CTTNBP2: variants seen among roughly 807,000 people sequenced by gnomAD.
CTTNBP2 encodes the protein cortactin-binding protein 2.
CTTNBP2 carries 108 observed loss-of-function variants against 156.9 expected under a neutral mutation model. The ratio of observed to expected loss-of-function variants is 0.69; its 90% confidence interval spans 0.59 to 0.81. The LOEUF (loss-of-function observed/expected upper bound fraction) is 0.81, where lower values mean the gene tolerates loss of function less well. Among genes scored for constraint, CTTNBP2 ranks in the 30% least tolerant of loss-of-function variants. CTTNBP2 has a pLI of 0.00. For synonymous variants in CTTNBP2, 767 were observed against 751.8 expected, an observed-to-expected ratio of 1.02 and a Z score of -0.33; for missense variants, 1,924 against 2,035.4, an observed-to-expected ratio of 0.95 and a Z score of 1.05.
intron 1 of CTTNBP2, among the ~76,000 whole-genome samples, chr7:117,864,384 T>C (rs1803968294): frequency 6.6e-6 from 1 of 151,956 alleles, no homozygotes; most frequent in South Asian, 2.1e-4. Flanking sequence ...CCACTACTAG[T>C]CATAGTAAAA....
intron 19 of CTTNBP2, among the ~76,000 whole-genome samples, chr7:117,722,005 T>C (rs531478204): frequency 3.9e-5 from 6 of 152,314 alleles, no homozygotes; most frequent in South Asian, 2.1e-4. Context: ...AGTAAATATA[T>C]CCTCATTAAA....
intron 12 of CTTNBP2, among the ~76,000 whole-genome samples, chr7:117,754,836 G>A (rs1028305470): frequency 7.2e-5 from 11 of 152,204 alleles, no homozygotes; most frequent in African/African-American, 2.4e-5. Flanking sequence ...ACATATATAA[G>A]TGTACTTGGA....
At position 117,745,889 on chromosome 7, in the gene CTTNBP2, TCTCA is replaced by T. The variant is rs1401099607; in HGVS notation, c.3473_3476del (p.Val1158GlufsTer4). 1.1e-5 allele frequency: 18 copies of T among 1,614,038 alleles called. No individual in the cohort carries two copies. The highest frequency in any genetic ancestry group is 1.5e-5 in the Non-Finnish European group (18 of 1,180,012). The stretch of plus-strand genomic sequence containing the variant: ...TGGAAAAACCAGCATCTACTTCAGC[TCTCA>T]CTATTTCACAGGAGAATCCTGCAGC... On this transcript the variant is annotated frameshift_variant, in exon 14 of 23. Transcript: ENST00000160373. LOFTEE classifies it high-confidence loss of function.
intron 2 of CTTNBP2, among the ~76,000 whole-genome samples, chr7:117,854,311 A>G (rs1023331124): frequency 6.6e-6 from 1 of 152,232 alleles, no homozygotes; most frequent in Non-Finnish European, 1.5e-5. Flanking sequence ...TCACAGGAGA[A>G]TTCTGAAATA....
In CTTNBP2 at chr7:117,816,163, A is replaced by G. The variant is rs118153620; in HGVS notation, c.190-5174T>C. Among the ~76,000 whole-genome samples the G allele has an allele frequency of 2.0e-4, 31 of 152,338 alleles. No homozygotes were observed. In the East Asian group the frequency reaches 5.0e-3, roughly 25 times the overall value. On this transcript the variant is annotated intron_variant, in intron 2 of 22. Transcript: ENST00000160373. ...CTATGCAGGACTAATTCTAGAGAAA[A>G]TGATAGCTAAGGATCAGTTCACCCA...
At chr7:117,717,350 TTATGTTATCACTCAGTGC>T (rs1355748904) in intron 22 of CTTNBP2, among the ~76,000 whole-genome samples, 2 of 151,922 alleles carry the variant, frequency 1.3e-5, no homozygotes, top group African/African-American at 2.4e-5. Context: ...TATAAGACCT[TTATGTTATCACTCAGTGC>T]TTTGTTTTGT....
chr7:117,793,683 G>T (rs1344500547), intron 3 of CTTNBP2: 1 of 152,172 alleles, frequency 6.6e-6, no homozygotes, highest in African/African-American at 2.4e-5. Context: ...ATGAAGACAG[G>T]GGTGCCTTTT....
chr7:117,860,084 T>C (rs1803610330), intron 2 of CTTNBP2, among the ~76,000 whole-genome samples: 1 of 152,170 alleles, frequency 6.6e-6, no homozygotes, highest in Admixed American at 6.5e-5. Flanking sequence ...GTACATTAAA[T>C]TAGACTTCCT....
At chr7:117,747,567 G>A (rs183042897) in intron 12 of CTTNBP2, among the ~76,000 whole-genome samples, 7 of 152,322 alleles carry the variant, frequency 4.6e-5, no homozygotes, top group Admixed American at 6.5e-5. Context: ...GAGGTCAGGC[G>A]TTCAAGACTA....
Position 117,855,950 on chromosome 7 carries a change from G to C in CTTNBP2, c.189+5259C>G, listed in dbSNP as rs374524627. On this transcript the variant is annotated intron_variant, in intron 2 of 22. Coordinates refer to ENST00000160373, the MANE Select transcript of CTTNBP2 (RefSeq NM_033427.3). The stretch of plus-strand genomic sequence containing the variant: ...TTATTTTTATGCCTGCTACATAATA[G>C]GTATTCATCAAATCCTTATTGAGGA... Among the ~76,000 whole-genome samples, 4 of 152,238 alleles carry C rather than the reference G, an allele frequency of 2.6e-5. No individual in the cohort carries two copies. The East Asian group carries it at 7.7e-4, about 29-fold the overall frequency.
Position 117,810,966 on chromosome 7 carries a change from G to A in CTTNBP2, c.213C>T (p.Ile71=), listed in dbSNP as rs1197096617. 10 of 1,613,416 alleles carry A rather than the reference G, an allele frequency of 6.2e-6. No individual in the cohort carries two copies. Among genetic ancestry groups the A allele is most frequent in the Non-Finnish European group, 7.6e-6 (9 of 1,179,704 alleles). ...GATTAAATCTCCCATACCGTTCCTGGATAAATACCTCCTTCCTGCGAGCCT... is the reference window on the plus strand; with the variant it reads ...GATTAAATCTCCCATACCGTTCCTGAATAAATACCTCCTTCCTGCGAGCCT... ...ALRARRKEVF[I]QERYGRFNLN... The change falls in exon 3 of 23, where the codon ATC becomes ATT. Residue 71 remains isoleucine (I), a synonymous_variant. Transcript: ENST00000160373.
intron 22 of CTTNBP2, among the ~76,000 whole-genome samples, chr7:117,716,995 A>AAGC (rs1562945979): frequency 2.5e-4 from 1 of 3,982 alleles, no homozygotes; most frequent in Non-Finnish European, 8.6e-4. Flanking sequence ...GTTCTCATCT[A>AAGC]CTCCCAAGGT....
chr7:117,854,079 C>A (rs546801936), intron 2 of CTTNBP2, among the ~76,000 whole-genome samples: 1 of 152,308 alleles, frequency 6.6e-6, no homozygotes, highest in South Asian at 2.1e-4. Flanking sequence ...GCTATTTGTT[C>A]TTTCTGAAAA....
chr7:117,754,187 C>T (rs573956350), intron 12 of CTTNBP2, among the ~76,000 whole-genome samples: 1 of 152,294 alleles, frequency 6.6e-6, no homozygotes, highest in South Asian at 2.1e-4. Flanking sequence ...CTCAAACACC[C>T]TCCACAAGGC....
At chr7:117,746,195 C>T in intron 12 of CTTNBP2, 96 bp from the exon 13 acceptor site, 1 of 782,232 alleles carries the variant, frequency 1.3e-6, no homozygotes. Context: ...TGATTGTCCT[C>T]ATACTTTCAA....
chr7:117,815,635 C>T (rs922641720), intron 2 of CTTNBP2, among the ~76,000 whole-genome samples: 5 of 152,158 alleles, frequency 3.3e-5, no homozygotes, highest in Admixed American at 1.3e-4. Context: ...CAAATGTATG[C>T]AGGGGCCAGG....
At chr7:117,745,632 A>G (rs918646692) in intron 14 of CTTNBP2, among the ~76,000 whole-genome samples, 199 bp downstream of exon 14, 12 of 100,856 alleles carry the variant, frequency 1.2e-4, no homozygotes, top group African/African-American at 8.2e-4. Flanking sequence ...TAACAAAAAG[A>G]AGAAAAAAAT....
chr7:117,810,236 T>C (rs990481683), intron 3 of CTTNBP2, among the ~76,000 whole-genome samples: 2 of 152,206 alleles, frequency 1.3e-5, no homozygotes, highest in African/African-American at 4.8e-5. Flanking sequence ...ACCAGGACTT[T>C]AAGATGACAC....
At chr7:117,716,481 C>T (rs34445757) in intron 22 of CTTNBP2, among the ~76,000 whole-genome samples, 30,550 of 151,920 alleles carry the variant, frequency 0.2, 3,577 homozygotes, top group East Asian at 0.33. Flanking sequence ...TAGAGACTGG[C>T]GTCCAGTCAA....
Sources: allele counts gnomAD v4.1 joint callset (sites outside exome capture counted in the v4.1 genomes callset), GRCh38; gene constraint gnomAD v4.1.1; transcripts MANE v1.5; gene names NCBI Gene and HGNC (gene_info 2026-07-23, HGNC 2026-07-21).